The following KCNQ1 variants were observed in gnomAD, a reference collection of about 807,000 sequenced individuals.
KCNQ1 encodes the protein potassium voltage-gated channel subfamily KQT member 1.
A neutral mutation model predicts 72.4 loss-of-function variants in KCNQ1; 49 were observed. The ratio of observed to expected loss-of-function variants is 0.68; its 90% CI spans 0.54 to 0.86. The LOEUF is 0.86. Ranked by LOEUF, KCNQ1 falls within the 40% of genes least tolerant of loss-of-function variation. KCNQ1 has a pLI of 0.00. For missense variants in KCNQ1, 790 were observed against 945.1 expected (o/e 0.84, Z 2.15); for synonymous variants, 450 against 412.6 (o/e 1.09, Z -1.10).
At chr11:2,834,826 G>A (rs561731714) in intron 15 of KCNQ1, among the ~76,000 whole-genome samples, 8 of 152,354 alleles carry the variant, frequency 5.3e-5, no homozygotes, top group South Asian at 2.1e-4. Flanking sequence ...TGCAGGTTCC[G>A]GGGCAAGAAT....
rs564146274 is a variant in KCNQ1, at chr11:2,499,339, G to A, written c.387-28589G>A. Among the ~76,000 whole-genome samples, 15 of 152,206 alleles carry A rather than the reference G, an allele frequency of 9.9e-5. No individual in the cohort carries two copies. In the East Asian group the frequency reaches 2.9e-3, roughly 29 times the overall value. On this transcript the variant is annotated intron_variant, in intron 1 of 15. Coordinates refer to ENST00000155840, the MANE Select transcript of KCNQ1 (RefSeq NM_000218.3). ...CACAAATAAAAAGCAAGAAATTAAA[G>A]CATGCCACTAGAGAAAATCACCTTC... is the stretch of plus-strand genomic sequence containing the variant.
In KCNQ1 at chr11:2,775,995, T is replaced by A; in HGVS notation, c.1626T>A (p.Ile542=). The A allele has an allele frequency of 6.4e-7, 1 of 1,571,952 alleles. No homozygotes were observed. The highest frequency in any genetic ancestry group is 8.6e-7 in the Non-Finnish European group (1 of 1,158,810). ...ARKPYDVRDV[I]EQYSQGHLNL... ...AGCCTTACGATGTGCGGGACGTCAT[T>A]GAGCAGTACTCGCAGGGCCACCTCA... Residue 542 remains isoleucine, a synonymous_variant, in exon 13 of 16, where the codon ATT becomes ATA. Coordinates refer to ENST00000155840, the MANE Select transcript of KCNQ1 (RefSeq NM_000218.3).
At chr11:2,597,084 T>C (rs926843654) in intron 10 of KCNQ1, among the ~76,000 whole-genome samples, 1 of 152,134 alleles carries the variant, frequency 6.6e-6, no homozygotes, top group Non-Finnish European at 1.5e-5. Context: ...TTCTTAAGAA[T>C]GAAAATATGC....
In KCNQ1 at chr11:2,571,339, G is replaced by T. The variant is rs75813654; in HGVS notation, c.619G>T (p.Val207Leu). 1.2e-6 allele frequency: 2 copies of T among 1,613,160 alleles called. No individual in the cohort carries two copies. Among genetic ancestry groups the T allele is most frequent in the Non-Finnish European group, 1.7e-6 (2 of 1,179,898 alleles). ...GCACTCCACAGACCTCATCGTGGTC[G>T]TGGCCTCCATGGTGGTCCTCTGCGT... ...PISIIDLIVV[V>L]ASMVVLCVGS... is the part of the protein sequence containing the mutation. The change falls in exon 4 of 16, where the codon GTG (valine) becomes TTG (leucine). Residue 207 changes from valine to leucine, a missense_variant. Coordinates refer to ENST00000155840, the MANE Select transcript of KCNQ1 (RefSeq NM_000218.3).
chr11:2,757,659 T>C (rs1229494690), intron 11 of KCNQ1, among the ~76,000 whole-genome samples: 1 of 152,230 alleles, frequency 6.6e-6, no homozygotes, highest in African/African-American at 2.4e-5. Context: ...CTACCAATTT[T>C]AAGGCCTACT....
Position 2,623,570 on chromosome 11 carries a change from AT to A in KCNQ1, c.1393+34718del. On this transcript the variant is annotated intron_variant, in intron 10 of 15. Transcript: ENST00000155840. This position sits in a 1 kb window ranked among gnomAD's most constrained non-coding sequence, Gnocchi z 5.2. Reference sequence around the variant, plus strand: ...ATTTCACATAGTAATATGTTTTTTAATTACCTCCATATCTTTTCATGGCTTG... The same window carrying A: ...ATTTCACATAGTAATATGTTTTTTAATACCTCCATATCTTTTCATGGCTTG... 1 of 398,524 alleles carries A rather than the reference AT, an allele frequency of 2.5e-6. No homozygotes were observed. Among genetic ancestry groups the A allele is most frequent in the South Asian group, 1.3e-4 (1 of 7,856 alleles). 24.7% of individuals were successfully genotyped at this position (398,524 alleles called of 1,614,324 possible). A position where few individuals can be genotyped will look rare whatever the true frequency, so the allele number is the denominator to read the frequency against.
chr11:2,694,048 C>T (rs1850632736), intron 11 of KCNQ1: 1 of 398,584 alleles, frequency 2.5e-6, no homozygotes, highest in South Asian at 1.3e-4. Flanking sequence ...CCATAGATGG[C>T]TGAGGGACGG....
chr11:2,767,726 G>A lies in KCNQ1; in HGVS notation c.1515-1118G>A, dbSNP rs12795571. Among the ~76,000 whole-genome samples the A allele has an allele frequency of 8.5e-3, 1,287 of 152,274 alleles. 5 individuals carry two copies. Among genetic ancestry groups the A allele is most frequent in the Non-Finnish European group, 0.015 (990 of 68,022 alleles). Reference sequence around the variant, plus strand: ...AAAGCTTCTCTCCACAGTGCCATGCGTCTACTGAGTACTCTGCTTAGCTTT... The same window carrying A: ...AAAGCTTCTCTCCACAGTGCCATGCATCTACTGAGTACTCTGCTTAGCTTT... On this transcript the variant is annotated intron_variant, in intron 11 of 15. Coordinates refer to ENST00000155840, the MANE Select transcript of KCNQ1 (RefSeq NM_000218.3). The surrounding 1 kb of genome is among the most constrained non-coding windows in gnomAD (Gnocchi z 4.6).
chr11:2,610,183 G>C (rs1190931346), intron 10 of KCNQ1: 1 of 397,268 alleles, frequency 2.5e-6, no homozygotes, highest in Non-Finnish European at 4.4e-6. Flanking sequence ...TTTGTTATTA[G>C]TGTTTGCTCT....
intron 1 of KCNQ1, among the ~76,000 whole-genome samples, chr11:2,510,026 C>T (rs2012618): frequency 0.77 from 117,676 of 152,050 alleles, 45,859 homozygotes; most frequent in African/African-American, 0.86. Context: ...ATCCAGTACA[C>T]TGGGAGGCCA....
At chr11:2,512,316 G>C (rs1240178425) in intron 1 of KCNQ1, among the ~76,000 whole-genome samples, 1 of 152,166 alleles carries the variant, frequency 6.6e-6, no homozygotes, top group South Asian at 2.1e-4. Flanking sequence ...CCTCCCCGTC[G>C]ATGCCTGGGG....
chr11:2,736,481 G>C (rs371869855), intron 11 of KCNQ1, among the ~76,000 whole-genome samples: 1 of 152,144 alleles, frequency 6.6e-6, no homozygotes. Flanking sequence ...GGTGGCCCCC[G>C]TGCCTGGAGA....
chr11:2,596,342 T>A (rs571645769), intron 10 of KCNQ1, among the ~76,000 whole-genome samples: 2 of 152,278 alleles, frequency 1.3e-5, no homozygotes, highest in African/African-American at 4.8e-5. Context: ...TAGGTATTTA[T>A]CCAGGAGAAA....
Position 2,768,862 on chromosome 11 carries a change from G to A in KCNQ1, c.1533G>A (p.Arg511=), listed in dbSNP as rs535306115. The change falls in exon 12 of 16, where the codon CGG becomes CGA. Residue 511 remains arginine, a synonymous_variant. Transcript: ENST00000155840. The surrounding 1 kb of genome is among the most constrained non-coding windows in gnomAD (Gnocchi z 6.7). ...ACTGCAGGCTGCGGGAACACCATCG[G>A]GCCACCATTAAGGTCATTCGACGCA... The part of the protein sequence containing the change: ...THISQLREHH[R]ATIKVIRRMQ... 11 of 1,613,976 alleles carry A rather than the reference G, an allele frequency of 6.8e-6. No individual in the cohort carries two copies. The African/African-American group carries it at 1.5e-4, about 22-fold the overall frequency.
chr11:2,635,038 T>G (rs1270389597), intron 10 of KCNQ1: 1 of 152,248 alleles, frequency 6.6e-6, no homozygotes, highest in African/African-American at 2.4e-5. Flanking sequence ...TGTTTGTTTT[T>G]TCTTGTAAAT....
In KCNQ1 at chr11:2,445,145, G is replaced by A; in HGVS notation, c.47G>A (p.Gly16Asp). 1 of 1,130,038 alleles carries A rather than the reference G, an allele frequency of 8.8e-7. No homozygotes were observed. Among genetic ancestry groups the A allele is most frequent in the Non-Finnish European group, 1.1e-6 (1 of 919,576 alleles). The allele number at this position is 1,130,038 out of a possible 1,614,324, so 70.0% of individuals were successfully genotyped here. A position where few individuals can be genotyped will look rare whatever the true frequency, so the allele number is the denominator to read the frequency against. The change falls in exon 1 of 16, where the codon GGT becomes GAT. Residue 16 changes from glycine (G) to aspartate (D), a missense_variant. Gly to Asp is a moderately conservative substitution (Grantham distance 94, BLOSUM62 -1). Around this residue, in one of 5 missense-constraint regions of KCNQ1, gnomAD observed 294 missense variants for 323.3 expected, o/e 0.91. Transcript: ENST00000155840. ...CCCAGGGCCGAGAGGAAGCGCTGGGGTTGGGGCCGCCTGCCAGGCGCCCGG... is the reference window on the plus strand; with the variant it reads ...CCCAGGGCCGAGAGGAAGCGCTGGGATTGGGGCCGCCTGCCAGGCGCCCGG... ...SPPRAERKRWGWGRLPGARRG... is the reference protein window; with the variant it reads ...SPPRAERKRWDWGRLPGARRG...
At chr11:2,717,080 A>G (rs1851105184) in intron 11 of KCNQ1, among the ~76,000 whole-genome samples, 1 of 152,136 alleles carries the variant, frequency 6.6e-6, no homozygotes, top group Non-Finnish European at 1.5e-5. Context: ...GTCCACCATG[A>G]AGTGGCCGGG....
At position 2,528,482 on chromosome 11, in the gene KCNQ1, CTG is replaced by C. The variant is rs369793388; in HGVS notation, c.477+467_477+468del. On this transcript the variant is annotated intron_variant, in intron 2 of 15. Coordinates refer to ENST00000155840, the MANE Select transcript of KCNQ1 (RefSeq NM_000218.3). ...TCCCTTCCATTGGCCTGAGCGGTGT[CTG>C]TGCCATTTCTGCCAGGCAGGTGCTG... Among the ~76,000 whole-genome samples, 10 of 152,366 alleles carry C rather than the reference CTG, an allele frequency of 6.6e-5. No individual in the cohort carries two copies. In the East Asian group the frequency reaches 1.9e-3, roughly 29 times the overall value.
At position 2,847,907 on chromosome 11, in the gene KCNQ1, C is replaced by T. The variant is rs753256738; in HGVS notation, c.1935C>T (p.Gly645=). ...GAHITQPCGS[G]GSVDPELFLP... Reference sequence around the variant, plus strand: ...ACATCACCCAGCCCTGCGGCAGTGGCGGCTCCGTCGACCCTGAGCTCTTCC... The same window carrying T: ...ACATCACCCAGCCCTGCGGCAGTGGTGGCTCCGTCGACCCTGAGCTCTTCC... The change falls in exon 16 of 16, where the codon GGC becomes GGT. Residue 645 remains glycine (G), a synonymous_variant. Coordinates refer to ENST00000155840, the MANE Select transcript of KCNQ1 (RefSeq NM_000218.3). The T allele has an allele frequency of 1.9e-5, 30 of 1,576,974 alleles. No individual in the cohort carries two copies. The highest frequency in any genetic ancestry group is 3.5e-5 in the South Asian group (3 of 86,466).
Sources: allele counts gnomAD v4.1 joint callset (sites outside exome capture counted in the v4.1 genomes callset), GRCh38; gene constraint gnomAD v4.1.1; regional missense constraint gnomAD v4.1.1; non-coding constraint Gnocchi (gnomAD v3.1); transcripts MANE v1.5; gene names NCBI Gene and HGNC (gene_info 2026-07-23, HGNC 2026-07-21).